POU2F1: variants seen among roughly 807,000 people sequenced by gnomAD.
The protein encoded by POU2F1 is POU class 2 homeobox 1.
A neutral mutation model predicts 84.9 loss-of-function variants in POU2F1; 16 were observed. The observed-to-expected ratio is 0.19, with a 90% confidence interval of 0.13 to 0.29. The LOEUF (loss-of-function observed/expected upper bound fraction) is 0.29, where lower values mean the gene tolerates loss of function less well. POU2F1 is among the 10% of genes least tolerant of loss of function. POU2F1 has a pLI of 1.00. For missense variants in POU2F1, 738 were observed against 942.6 expected (o/e 0.78, Z 2.84); for synonymous variants, 368 against 368.3 (o/e 1.00, Z 0.01).
intron 2 of POU2F1, among the ~76,000 whole-genome samples, chr1:167,359,263 T>C (rs1271062382): frequency 6.6e-6 from 1 of 152,058 alleles, no homozygotes; most frequent in Non-Finnish European, 1.5e-5. Flanking sequence ...GTATATCGCC[T>C]GATGCTGAGG....
At chr1:167,252,990 A>G (rs560697441) in intron 1 of POU2F1, among the ~76,000 whole-genome samples, 1 of 152,256 alleles carries the variant, frequency 6.6e-6, no homozygotes, top group African/African-American at 2.4e-5. Context: ...TCAGATTTAC[A>G]TAATCTAATT....
chr1:167,409,826 T>C (rs941948423), intron 13 of POU2F1, among the ~76,000 whole-genome samples: 6 of 152,130 alleles, frequency 3.9e-5, no homozygotes, highest in African/African-American at 1.4e-4. Flanking sequence ...TTCAGAACTT[T>C]GAAAGGGAAG....
At position 167,425,426 on chromosome 1, in the gene POU2F1, G is replaced by C. The variant is rs571741885; in HGVS notation, c.*9616G>C. 6 of 152,450 alleles carry C rather than the reference G, an allele frequency of 3.9e-5. No individual in the cohort carries two copies. Among genetic ancestry groups the C allele is most frequent in the Non-Finnish European group, 7.3e-5 (5 of 68,142 alleles). 9.4% of individuals were successfully genotyped at this position (152,450 alleles called of 1,614,324 possible). A position where few individuals can be genotyped will look rare whatever the true frequency, so the allele number is the denominator to read the frequency against. The stretch of plus-strand genomic sequence containing the variant: ...GGGGACCCTCTGACTGGATCAGAAA[G>C]GGCAGGCAAGCTGCTTACCACCTTC... On this transcript the variant is annotated 3_prime_UTR_variant, in exon 16 of 16. Transcript: ENST00000367866.
At position 167,397,899 on chromosome 1, in the gene POU2F1, G is replaced by C. The variant is rs777861496; in HGVS notation, c.1130-95G>C. On this transcript the variant is annotated intron_variant, in intron 10 of 15. Transcript: ENST00000367866. ...GAAAACCTTTTCATACTTGGATGTA[G>C]CTTATTTTGTCAGTTTTGTTGTTAA... The C allele has an allele frequency of 1.0e-4, 134 of 1,289,586 alleles. 1 individual carries two copies. Among genetic ancestry groups the C allele is most frequent in the Non-Finnish European group, 1.3e-4 (122 of 936,502 alleles). 79.9% of individuals were successfully genotyped at this position (1,289,586 alleles called of 1,614,324 possible).
At chr1:167,414,845 G>A in intron 15 of POU2F1, 2 of 653,590 alleles carry the variant, frequency 3.1e-6, no homozygotes, top group South Asian at 1.4e-4. Context: ...TAGAACTAAA[G>A]CCTTTTTGCA....
At chr1:167,412,728 A>G (rs932581792) in intron 14 of POU2F1, among the ~76,000 whole-genome samples, 1 of 152,228 alleles carries the variant, frequency 6.6e-6, no homozygotes, top group African/African-American at 2.4e-5. Context: ...TTGTAAATAT[A>G]TCTTTTTCTC....
intron 1 of POU2F1, among the ~76,000 whole-genome samples, chr1:167,274,060 C>T (rs929142003): frequency 3.3e-5 from 5 of 152,172 alleles, no homozygotes; most frequent in Admixed American, 6.5e-5. Flanking sequence ...ACTAAAAATA[C>T]GATTTTCCCC....
intron 1 of POU2F1, among the ~76,000 whole-genome samples, chr1:167,221,196 C>T (rs1336245456): frequency 2.0e-5 from 3 of 151,590 alleles, no homozygotes; most frequent in South Asian, 2.1e-4. Context: ...CCACTGCCCT[C>T]CTCCTGCACC....
chr1:167,356,249 C>T (rs956878796), intron 2 of POU2F1, among the ~76,000 whole-genome samples: 20 of 150,178 alleles, frequency 1.3e-4, no homozygotes, highest in South Asian at 2.1e-4. Context: ...GGGATCTGCC[C>T]GCCCTGGCTC....
chr1:167,415,178 A>G (rs1244493800), intron 15 of POU2F1, among the ~76,000 whole-genome samples: 1 of 152,250 alleles, frequency 6.6e-6, no homozygotes, highest in South Asian at 2.1e-4. Context: ...GGATTTATCA[A>G]ATATGTCTAG....
intron 1 of POU2F1, among the ~76,000 whole-genome samples, chr1:167,242,483 CT>C (rs1015334557): frequency 2.0e-5 from 3 of 152,214 alleles, no homozygotes; most frequent in Non-Finnish European, 4.4e-5. Flanking sequence ...CTAAGACCAG[CT>C]TTCTTACCAT....
chr1:167,354,116 A>G (rs1557919123), intron 2 of POU2F1, among the ~76,000 whole-genome samples: 1 of 152,186 alleles, frequency 6.6e-6, no homozygotes, highest in Non-Finnish European at 1.5e-5. Flanking sequence ...ATTCATTTTC[A>G]CTGGATATAA....
intron 1 of POU2F1, among the ~76,000 whole-genome samples, chr1:167,248,059 C>T (rs569445308): frequency 6.6e-6 from 1 of 152,280 alleles, no homozygotes; most frequent in South Asian, 2.1e-4. Flanking sequence ...CAGCAGTTTA[C>T]TCCTTTTAAC....
At chr1:167,277,408 A>G (rs751797655) in intron 1 of POU2F1, among the ~76,000 whole-genome samples, 7 of 152,016 alleles carry the variant, frequency 4.6e-5, no homozygotes, top group Admixed American at 2.6e-4. Context: ...AAGATCAGGT[A>G]AAACCAGCCA....
intron 2 of POU2F1, among the ~76,000 whole-genome samples, chr1:167,336,534 G>A (rs1657460157): frequency 1.3e-5 from 2 of 152,134 alleles, no homozygotes; most frequent in Admixed American, 6.5e-5. Flanking sequence ...AAGTCATAAT[G>A]TTATAGGAAA....
At chr1:167,359,260 G>T (rs539497223) in intron 2 of POU2F1, among the ~76,000 whole-genome samples, 1 of 151,678 alleles carries the variant, frequency 6.6e-6, no homozygotes, top group African/African-American at 2.4e-5. Flanking sequence ...TGGGTATATC[G>T]CCTGATGCTG....
At chr1:167,346,361 G>A (rs370960285) in intron 2 of POU2F1, among the ~76,000 whole-genome samples, 18 of 152,238 alleles carry the variant, frequency 1.2e-4, no homozygotes, top group African/African-American at 3.6e-4. Context: ...TACTTAGGAA[G>A]TAAAGGATAT....
rs185499844 is a variant in POU2F1, at chr1:167,286,427, A to G, written c.62-46043A>G. On this transcript the variant is annotated intron_variant, in intron 1 of 15. Transcript: ENST00000367866. Reference sequence around the variant, plus strand: ...CTCTCCTGTTTAGAGCATTCATCAAAACCTCTGGTAGCCTTTATTGTCTTA... The same window carrying G: ...CTCTCCTGTTTAGAGCATTCATCAAGACCTCTGGTAGCCTTTATTGTCTTA... Among the ~76,000 whole-genome samples the G allele has an allele frequency of 6.3e-3, 957 of 152,276 alleles. 13 individuals carry two copies. Among genetic ancestry groups the G allele is most frequent in the Non-Finnish European group, 0.011 (775 of 68,028 alleles).
chr1:167,315,522 TC>T (rs1309674814), intron 1 of POU2F1, among the ~76,000 whole-genome samples: 1 of 152,162 alleles, frequency 6.6e-6, no homozygotes, highest in Non-Finnish European at 1.5e-5. Context: ...ATGCCTGTAA[TC>T]CCGGCTACTT....
Sources: gnomAD v4.1 joint callset for allele counts (sites outside exome capture counted in the v4.1 genomes callset) on GRCh38, gnomAD v4.1.1 for gene constraint, MANE v1.5 for transcripts, NCBI Gene and HGNC (gene_info 2026-07-23, HGNC 2026-07-21) for gene names.